The following NPAS3 variants were observed in gnomAD, a reference collection of about 807,000 sequenced individuals.
The protein encoded by NPAS3 is neuronal PAS domain protein 3.
A neutral mutation model predicts 73.1 loss-of-function variants in NPAS3; 14 were observed. The ratio of observed to expected loss-of-function variants is 0.19; its 90% CI spans 0.13 to 0.30. The LOEUF (loss-of-function observed/expected upper bound fraction) is 0.30, where lower values mean the gene tolerates loss of function less well. NPAS3 is among the 10% of genes least tolerant of loss of function. The probability of loss-of-function intolerance (pLI) is 1.00; values close to 1 mark genes in which losing one functional copy is unlikely to be tolerated. For synonymous variants in NPAS3, 620 were observed against 541.5 expected, an observed-to-expected ratio of 1.14 and a Z score of -2.01; for missense variants, 1,096 against 1,250.0, an observed-to-expected ratio of 0.88 and a Z score of 1.86.
intron 2 of NPAS3, among the ~76,000 whole-genome samples, chr14:33,168,847 T>C (rs1035439181): frequency 6.6e-6 from 1 of 152,234 alleles, no homozygotes; most frequent in Non-Finnish European, 1.5e-5. Context: ...GCTCAAGCTC[T>C]AAGAAAGTAA....
chr14:33,097,965 A>C (rs569289132), intron 2 of NPAS3, among the ~76,000 whole-genome samples: 2 of 152,092 alleles, frequency 1.3e-5, no homozygotes, highest in Admixed American at 1.3e-4. Context: ...CATTTCACTC[A>C]TTTAATTGTA....
chr14:33,016,405 GGAATGAAT>G (rs67545917), intron 1 of NPAS3, among the ~76,000 whole-genome samples: 13 of 150,456 alleles, frequency 8.6e-5, no homozygotes, highest in African/African-American at 3.2e-4. Context: ...CAATATTCAT[GGAATGAAT>G]GAATGAATGA....
chr14:33,333,123 G>A (rs1278066853), intron 3 of NPAS3, among the ~76,000 whole-genome samples: 9 of 152,162 alleles, frequency 5.9e-5, no homozygotes, highest in Non-Finnish European at 1.2e-4. Flanking sequence ...GGTATTTCAT[G>A]TTGCTGAGAC....
intron 4 of NPAS3, among the ~76,000 whole-genome samples, chr14:33,471,087 A>C (rs892885728): frequency 6.6e-6 from 1 of 152,160 alleles, no homozygotes; most frequent in African/African-American, 2.4e-5. Flanking sequence ...AGCTCTGCGC[A>C]TATTAGGTAG....
chr14:33,238,947 A>G (rs968458247), intron 3 of NPAS3, among the ~76,000 whole-genome samples: 2 of 151,978 alleles, frequency 1.3e-5, no homozygotes, highest in Non-Finnish European at 2.9e-5. Context: ...AGGTACTAAG[A>G]GTTAAAACAA....
chr14:33,122,759 G>C (rs531160611), intron 2 of NPAS3, among the ~76,000 whole-genome samples: 3 of 152,164 alleles, frequency 2.0e-5, no homozygotes, highest in African/African-American at 7.2e-5. Context: ...CTTATAAGAA[G>C]ACTGAGATGG....
intron 4 of NPAS3, among the ~76,000 whole-genome samples, chr14:33,504,126 A>G (rs2052648874): frequency 6.6e-6 from 1 of 151,974 alleles, no homozygotes; most frequent in African/African-American, 2.4e-5. Flanking sequence ...TAGAGACCTA[A>G]TACTTCAAGT....
intron 5 of NPAS3, among the ~76,000 whole-genome samples, chr14:33,658,190 A>G (rs2059204711): frequency 6.6e-6 from 1 of 152,258 alleles, no homozygotes; most frequent in Admixed American, 6.5e-5. Context: ...CATCAGAGGA[A>G]GCAAAGATTG....
At chr14:33,781,094 C>T (rs1430202142) in intron 9 of NPAS3, among the ~76,000 whole-genome samples, 1 of 152,158 alleles carries the variant, frequency 6.6e-6, no homozygotes, top group Non-Finnish European at 1.5e-5. Flanking sequence ...AATAACTCCA[C>T]AATGTCAAGT....
chr14:32,979,637 C>T (rs968564679), intron 1 of NPAS3, among the ~76,000 whole-genome samples: 5 of 152,044 alleles, frequency 3.3e-5, no homozygotes. Context: ...GGCCTGAGGG[C>T]TGCAATATAG....
chr14:33,675,206 A>G (rs558267209), intron 5 of NPAS3, among the ~76,000 whole-genome samples: 6 of 152,272 alleles, frequency 3.9e-5, no homozygotes, highest in South Asian at 2.1e-4. Flanking sequence ...TATTGCTGAC[A>G]TATCTCTCCC....
At chr14:33,413,741 C>T (rs1170565308) in intron 4 of NPAS3, among the ~76,000 whole-genome samples, 1 of 152,068 alleles carries the variant, frequency 6.6e-6, no homozygotes, top group Non-Finnish European at 1.5e-5. Flanking sequence ...TTGTGTGTGC[C>T]TCTGAAAAGA....
intron 5 of NPAS3, among the ~76,000 whole-genome samples, chr14:33,646,358 A>G (rs1413835865): frequency 6.6e-6 from 1 of 152,106 alleles, no homozygotes; most frequent in Non-Finnish European, 1.5e-5. Context: ...ATTTTCTTAA[A>G]TTTATTTAAG....
intron 5 of NPAS3, among the ~76,000 whole-genome samples, chr14:33,644,242 A>T (rs953283417): frequency 8.5e-5 from 13 of 152,244 alleles, no homozygotes; most frequent in African/African-American, 3.1e-4. Context: ...TATTGACTAA[A>T]ATCTCATAAC....
chr14:33,480,336 A>G (rs1305036826), intron 4 of NPAS3, among the ~76,000 whole-genome samples: 1 of 152,218 alleles, frequency 6.6e-6, no homozygotes, highest in Non-Finnish European at 1.5e-5. Context: ...ACAAAAAGAA[A>G]GTCAGTGAGG....
At chr14:33,006,392 C>T (rs7142052) in intron 1 of NPAS3, among the ~76,000 whole-genome samples, 15,935 of 152,048 alleles carry the variant, frequency 0.1, 1,473 homozygotes, top group African/African-American at 0.25. Flanking sequence ...CTTAAGACTT[C>T]GGTAGAGAAA....
chr14:33,317,573 C>A (rs962049401), intron 3 of NPAS3, among the ~76,000 whole-genome samples: 1 of 152,048 alleles, frequency 6.6e-6, no homozygotes, highest in Non-Finnish European at 1.5e-5. Flanking sequence ...GTGGTTACTT[C>A]CATGCTGTTC....
At chr14:33,264,886 A>T (rs2049113788) in intron 3 of NPAS3, among the ~76,000 whole-genome samples, 1 of 152,084 alleles carries the variant, frequency 6.6e-6, no homozygotes. Context: ...CTCCAACTGC[A>T]CTTTGTAGCC....
intron 3 of NPAS3, among the ~76,000 whole-genome samples, chr14:33,290,370 A>G (rs1233314294): frequency 1.3e-5 from 2 of 152,224 alleles, no homozygotes; most frequent in Non-Finnish European, 2.9e-5. Context: ...AATACGGCAA[A>G]ACTAGGGAGC....
Sources: allele counts gnomAD v4.1 joint callset (sites outside exome capture counted in the v4.1 genomes callset), GRCh38; gene constraint gnomAD v4.1.1; transcripts MANE v1.5; gene names NCBI Gene and HGNC (gene_info 2026-07-23, HGNC 2026-07-21).